Variants in TYMS observed in about 807,000 individuals in gnomAD.
TYMS encodes thymidylate synthetase, also known as thymidylate synthase.
In TYMS, 21 loss-of-function variants were observed where a neutral mutation model predicts 39.3. That is an observed-to-expected ratio of 0.54 (90% CI 0.38 to 0.77). The LOEUF (loss-of-function observed/expected upper bound fraction) is 0.77, where lower values mean the gene tolerates loss of function less well. TYMS is among the 30% of genes least tolerant of loss of function. The pLI, the probability that TYMS is intolerant of heterozygous loss-of-function variation, is 0.00. For missense variants in TYMS, 273 were observed against 406.7 expected (o/e 0.67, Z 2.83); for synonymous variants, 171 against 162.2 (o/e 1.05, Z -0.41).
Position 673,023 on chromosome 18 carries a change from T to G in TYMS, c.*26T>G. On this transcript the variant is annotated 3_prime_UTR_variant, in exon 7 of 7. Coordinates refer to ENST00000323274, the MANE Select transcript of TYMS (RefSeq NM_001071.4). ...GGTGCTTTCAAAGGAGCTCGAAGGATATTGTCAGTCTTTAGGGGTTGGGCT... is the reference window on the plus strand; with the variant it reads ...GGTGCTTTCAAAGGAGCTCGAAGGAGATTGTCAGTCTTTAGGGGTTGGGCT... The G allele has an allele frequency of 6.6e-7, 1 of 1,522,350 alleles. No individual in the cohort carries two copies. The highest frequency in any genetic ancestry group is 1.3e-5 in the South Asian group (1 of 77,200). 94.3% of individuals were successfully genotyped at this position (1,522,350 alleles called of 1,614,324 possible).
intron 3 of TYMS, among the ~76,000 whole-genome samples, chr18:667,167 T>A (rs371964398): frequency 7.9e-4 from 50 of 63,262 alleles, no homozygotes; most frequent in South Asian, 1.8e-3. Flanking sequence ...ATGGAGATGG[T>A]GATGGTGATG....
In TYMS at chr18:666,784, G is replaced by A. The variant is rs189008307; in HGVS notation, c.455-2288G>A. The stretch of plus-strand genomic sequence containing the variant: ...GACCTAGAATAGGCAAGTTCTTAAA[G>A]GCAGAAAGTGGAATGCTAGTTTCCA... On this transcript the variant is annotated intron_variant, in intron 3 of 6. Coordinates refer to ENST00000323274, the MANE Select transcript of TYMS (RefSeq NM_001071.4). Among the ~76,000 whole-genome samples, 22 of 152,374 alleles carry A rather than the reference G, an allele frequency of 1.4e-4. No homozygotes were observed. The East Asian group carries it at 2.9e-3, about 20-fold the overall frequency.
rs1232034856 is a variant in TYMS, at chr18:673,280, G to GT, written c.*284dup. 3.6e-6 allele frequency: 1 copy of GT among 277,850 alleles called. No homozygotes were observed. Among genetic ancestry groups the GT allele is most frequent in the Non-Finnish European group, 6.8e-6 (1 of 147,884 alleles). 17.2% of individuals were successfully genotyped at this position (277,850 alleles called of 1,614,324 possible). On this transcript the variant is annotated 3_prime_UTR_variant, in exon 7 of 7. Transcript: ENST00000323274. ...ATGTATGTGCTCTTAGCAAAAACAT[G>GT]TATGTGCATTTCAATCCCACGTACT...
chr18:658,678 G>T lies in TYMS; in HGVS notation c.205+731G>T, dbSNP rs957648363. On this transcript the variant is annotated intron_variant, in intron 1 of 6. Transcript: ENST00000323274. The surrounding 1 kb of genome is among the most constrained non-coding windows in gnomAD (Gnocchi z 4.5). ...GGCACAGGACGTTAGGCAGCCGTTG[G>T]CCCTCCCTAAGGCCACACCGTCCTG... 3.7e-6 allele frequency: 1 copy of T among 272,278 alleles called. No individual in the cohort carries two copies. Among genetic ancestry groups the T allele is most frequent in the Admixed American group, 5.3e-5 (1 of 18,822 alleles). 16.9% of individuals were successfully genotyped at this position (272,278 alleles called of 1,614,324 possible). A position where few individuals can be genotyped will look rare whatever the true frequency, so the allele number is the denominator to read the frequency against.
intron 3 of TYMS, 94 bp from the exon 4 acceptor site, chr18:668,978 T>C: frequency 9.6e-7 from 1 of 1,037,582 alleles, no homozygotes; most frequent in Non-Finnish European, 1.4e-6. Flanking sequence ...GGGGGGACCC[T>C]GGGTAAGAGA....
At chr18:667,744 C>T (rs2074886641) in intron 3 of TYMS, 1 of 152,160 alleles carries the variant, frequency 6.6e-6, no homozygotes, top group African/African-American at 2.4e-5. Context: ...GGCCAAGTTA[C>T]TTGTGCAGGT....
chr18:668,294 T>G (rs1259889710), intron 3 of TYMS, among the ~76,000 whole-genome samples: 1 of 152,154 alleles, frequency 6.6e-6, no homozygotes, highest in Non-Finnish European at 1.5e-5. Flanking sequence ...CCTCCCAAAA[T>G]TTTGAGAACT....
chr18:662,243 GAGA>G lies in TYMS; in HGVS notation c.383_385del (p.Glu128del). 1 of 1,614,174 alleles carries G rather than the reference GAGA, an allele frequency of 6.2e-7. No homozygotes were observed. Among genetic ancestry groups the G allele is most frequent in the Non-Finnish European group, 8.5e-7 (1 of 1,180,024 alleles). On this transcript the variant is annotated inframe_deletion, in exon 3 of 7. Coordinates refer to ENST00000323274, the MANE Select transcript of TYMS (RefSeq NM_001071.4). ...TTGGACAGCCTGGGATTCTCCACCA[GAGA>G]AGAAGGGGACTTGGGCCCAGTTTAT...
intron 4 of TYMS, 56 bp downstream of exon 4, chr18:669,229 A>G (rs2074930488): frequency 1.3e-6 from 2 of 1,524,772 alleles, no homozygotes; most frequent in Admixed American, 1.7e-5. Context: ...GAGGGAAGCA[A>G]TCTGGTTTTG....
Position 658,668 on chromosome 18 carries a change from G to A in TYMS, c.205+721G>A, listed in dbSNP as rs1395907207. 3 of 274,646 alleles carry A rather than the reference G, an allele frequency of 1.1e-5. No individual in the cohort carries two copies. 17.0% of individuals were successfully genotyped at this position (274,646 alleles called of 1,614,324 possible). Reference sequence around the variant, plus strand: ...GGGCGGGGTGGGCACAGGACGTTAGGCAGCCGTTGGCCCTCCCTAAGGCCA... The same window carrying A: ...GGGCGGGGTGGGCACAGGACGTTAGACAGCCGTTGGCCCTCCCTAAGGCCA... On this transcript the variant is annotated intron_variant, in intron 1 of 6. Transcript: ENST00000323274. The surrounding 1 kb of genome is among the most constrained non-coding windows in gnomAD (Gnocchi z 4.5).
At chr18:672,713 T>G (rs1415152856) in intron 6 of TYMS, 147 bp from the exon 7 acceptor site, 1 of 840,624 alleles carries the variant, frequency 1.2e-6, no homozygotes, top group African/African-American at 1.7e-5. Context: ...TCATGTTACA[T>G]AACCTACGGC....
In TYMS at chr18:669,056, T is replaced by G. The variant is rs1424874170; in HGVS notation, c.455-16T>G. Reference sequence around the variant, plus strand: ...TTAATGTATGTACCTGTCCTCTCTTTTTGACAATTCTACAGATTATTCAGG... The same window carrying G: ...TTAATGTATGTACCTGTCCTCTCTTGTTGACAATTCTACAGATTATTCAGG... On this transcript the variant is annotated splice_polypyrimidine_tract_variant and intron_variant, in intron 3 of 6. Coordinates refer to ENST00000323274, the MANE Select transcript of TYMS (RefSeq NM_001071.4). The G allele has an allele frequency of 6.2e-7, 1 of 1,608,238 alleles. No homozygotes were observed. Among genetic ancestry groups the G allele is most frequent in the South Asian group, 1.1e-5 (1 of 90,932 alleles).
In TYMS at chr18:657,822, C is replaced by G; in HGVS notation, c.80C>G (p.Pro27Arg). The change falls in exon 1 of 7, where the codon CCG becomes CGG. Residue 27 changes from proline (P) to arginine (R), a missense_variant. Pro to Arg is a moderately radical substitution (Grantham distance 103). Around this residue, in one of 3 missense-constraint regions of TYMS, gnomAD observed 228 missense variants for 326.1 expected, o/e 0.70. Coordinates refer to ENST00000323274, the MANE Select transcript of TYMS (RefSeq NM_001071.4). Reference sequence around the variant, plus strand: ...GAGCGGGACGCCGAGCCGCGTCCGCCGCACGGGGAGCTGCAGTACCTGGGG... The same window carrying G: ...GAGCGGGACGCCGAGCCGCGTCCGCGGCACGGGGAGCTGCAGTACCTGGGG... ...AQERDAEPRP[P>R]HGELQYLGQI... 6.8e-7 allele frequency: 1 copy of G among 1,469,488 alleles called. No individual in the cohort carries two copies. Among genetic ancestry groups the G allele is most frequent in the Non-Finnish European group, 8.9e-7 (1 of 1,119,182 alleles). 91.0% of individuals were successfully genotyped at this position (1,469,488 alleles called of 1,614,324 possible).
At chr18:667,005 T>C (rs867846170) in intron 3 of TYMS, among the ~76,000 whole-genome samples, 3 of 5,002 alleles carry the variant, frequency 6.0e-4, no homozygotes, top group African/African-American at 3.3e-3. Context: ...ATGGAGATGG[T>C]GATGGTGATG....
At chr18:668,330 T>C (rs1251057893) in intron 3 of TYMS, among the ~76,000 whole-genome samples, 1 of 152,178 alleles carries the variant, frequency 6.6e-6, no homozygotes, top group Non-Finnish European at 1.5e-5. Flanking sequence ...AGTCTGACAC[T>C]AATAGGTAGA....
intron 2 of TYMS, 112 bp downstream of exon 2, chr18:659,826 A>G (rs2074738176): frequency 1.0e-6 from 1 of 968,540 alleles, no homozygotes; most frequent in African/African-American, 1.6e-5. Context: ...CTGTAATCCC[A>G]CCACTTTGGG....
chr18:673,113 T>G lies in TYMS; in HGVS notation c.*116T>G, dbSNP rs1213402526. ...AGGAACTAGGTCAAAAATCTGTCCG[T>G]GACCTATCAGTTATTAATTTTTAAG... On this transcript the variant is annotated 3_prime_UTR_variant, in exon 7 of 7. Coordinates refer to ENST00000323274, the MANE Select transcript of TYMS (RefSeq NM_001071.4). The G allele has an allele frequency of 2.6e-6, 3 of 1,156,082 alleles. No homozygotes were observed. Among genetic ancestry groups the G allele is most frequent in the Non-Finnish European group, 2.4e-6 (2 of 846,410 alleles). 71.6% of individuals were successfully genotyped at this position (1,156,082 alleles called of 1,614,324 possible).
At position 669,210 on chromosome 18, in the gene TYMS, A is replaced by ATACTC. The variant is rs1264867829; in HGVS notation, c.556+39_556+43dup. The ATACTC allele has an allele frequency of 4.5e-6, 7 of 1,572,914 alleles. No homozygotes were observed. In the African/African-American group the frequency reaches 9.5e-5, roughly 21 times the overall value. ...CCCGTCGTCTTCATTTATACTAACC[A>ATACTC]TACTCTTAGAGGGAAGCAATCTGGT... is the stretch of plus-strand genomic sequence containing the variant. On this transcript the variant is annotated intron_variant, in intron 4 of 6. Coordinates refer to ENST00000323274, the MANE Select transcript of TYMS (RefSeq NM_001071.4).
At chr18:671,317 T>C in intron 5 of TYMS, 63 bp from the exon 6 acceptor site, 3 of 1,095,842 alleles carry the variant, frequency 2.7e-6, no homozygotes, top group Non-Finnish European at 4.2e-6. Flanking sequence ...TCTAATGTTT[T>C]TAAATGATGT....
Sources: gnomAD v4.1 joint callset for allele counts (sites outside exome capture counted in the v4.1 genomes callset) on GRCh38, gnomAD v4.1.1 for gene constraint, gnomAD v4.1.1 regional missense constraint, Gnocchi (gnomAD v3.1) non-coding constraint, MANE v1.5 for transcripts, NCBI Gene and HGNC (gene_info 2026-07-23, HGNC 2026-07-21) for gene names.